The following DZIP3 variants were observed in gnomAD, a reference collection of about 807,000 sequenced individuals.
DZIP3 encodes the protein DAZ interacting zinc finger protein 3, also known as E3 ubiquitin-protein ligase DZIP3.
DZIP3 carries 118 observed loss-of-function variants against 162.0 expected under a neutral mutation model. The ratio of observed to expected loss-of-function variants is 0.73; its 90% CI spans 0.63 to 0.85. The LOEUF (loss-of-function observed/expected upper bound fraction) is 0.85, where lower values mean the gene tolerates loss of function less well. Ranked by LOEUF, DZIP3 falls within the 40% of genes least tolerant of loss-of-function variation. The probability of loss-of-function intolerance (pLI) is 0.00; values close to 1 mark genes in which losing one functional copy is unlikely to be tolerated. For synonymous variants in DZIP3, 438 were observed against 458.6 expected (o/e 0.96, Z 0.57); for missense variants, 1,331 against 1,407.0 (o/e 0.95, Z 0.86).
chr3:108,676,147 C>G (rs1309549744), intron 25 of DZIP3, among the ~76,000 whole-genome samples: 1 of 151,956 alleles, frequency 6.6e-6, no homozygotes, highest in African/African-American at 2.4e-5. Flanking sequence ...TAACAGTGCC[C>G]CAATCAAAAC....
At chr3:108,677,955 G>A (rs1043656026) in intron 26 of DZIP3, among the ~76,000 whole-genome samples, 1 of 151,870 alleles carries the variant, frequency 6.6e-6, no homozygotes, top group African/African-American at 2.4e-5. Flanking sequence ...TCTGGGCCAC[G>A]GACCAGTGCA....
In DZIP3 at chr3:108,611,617, T is replaced by C. The variant is rs536461749; in HGVS notation, c.258+288T>C. 2.0e-5 allele frequency among the ~76,000 whole-genome samples: 3 copies of C among 152,278 alleles called. No homozygotes were observed. In the East Asian group the frequency reaches 5.8e-4, roughly 29 times the overall value. On this transcript the variant is annotated intron_variant, in intron 4 of 32. Transcript: ENST00000361582. ...GTTTATTCCAGTCCTGCTAATAACC[T>C]GTAACATGCCAGTCTGGGACAGGGG... is the stretch of plus-strand genomic sequence containing the variant.
intron 27 of DZIP3, among the ~76,000 whole-genome samples, chr3:108,686,053 G>GT (rs1208055217): frequency 1.3e-5 from 2 of 152,068 alleles, no homozygotes; most frequent in East Asian, 1.9e-4. Flanking sequence ...TAGATGTAAG[G>GT]TTTTTTCAGT....
chr3:108,684,175 G>A (rs537736076), intron 26 of DZIP3, 41 bp from the exon 27 acceptor site: 4 of 1,555,430 alleles, frequency 2.6e-6, no homozygotes, highest in Non-Finnish European at 2.6e-6. Flanking sequence ...AAATATGTGG[G>A]GGGGGGTGTT....
intron 8 of DZIP3, among the ~76,000 whole-genome samples, chr3:108,631,055 A>ACACACTCTCTCTCT: frequency 1.0e-3 from 18 of 18,010 alleles, no homozygotes; most frequent in African/African-American, 1.7e-3. Flanking sequence ...ACACACACAC[A>ACACACTCTCTCTCT]CTCTCTCTCT....
chr3:108,664,906 G>A (rs1213899953), intron 21 of DZIP3, among the ~76,000 whole-genome samples: 3 of 152,212 alleles, frequency 2.0e-5, no homozygotes, highest in Non-Finnish European at 2.9e-5. Flanking sequence ...CTGAGGCAGT[G>A]TGAGTCAGTG....
Position 108,669,867 on chromosome 3 carries a change from T to C in DZIP3, c.2492+118T>C, listed in dbSNP as rs112845112. 1,212 of 761,546 alleles carry C rather than the reference T, an allele frequency of 1.6e-3. 5 individuals are homozygous for C. The African/African-American group carries it at 0.016, about 10-fold the overall frequency. The allele number at this position is 761,546 out of a possible 1,614,324, so 47.2% of individuals were successfully genotyped here. On this transcript the variant is annotated intron_variant, in intron 22 of 32. Transcript: ENST00000361582. ...CAAACCGGGGTACTTTTGAGGCTGA[T>C]ATTGAACAGTACTAATAATACACTG...
intron 26 of DZIP3, among the ~76,000 whole-genome samples, chr3:108,678,936 AT>A (rs10718028): frequency 0.15 from 23,022 of 152,068 alleles, 2,156 homozygotes; most frequent in Non-Finnish European, 0.22. Flanking sequence ...GATATACATC[AT>A]GGGCTTTAGT....
chr3:108,606,566 A>G (rs1940389130), intron 2 of DZIP3, among the ~76,000 whole-genome samples: 1 of 152,222 alleles, frequency 6.6e-6, no homozygotes, highest in South Asian at 2.1e-4. Context: ...TCCACAAAGT[A>G]ACATTTGAAC....
intron 4 of DZIP3, among the ~76,000 whole-genome samples, chr3:108,612,489 T>C (rs996518337): frequency 1.3e-5 from 2 of 152,128 alleles, no homozygotes; most frequent in African/African-American, 4.8e-5. Context: ...CCTTCAGATA[T>C]GCAAAAAATA....
chr3:108,669,865 G>T, intron 22 of DZIP3, 116 bp downstream of exon 22: 1 of 789,764 alleles, frequency 1.3e-6, no homozygotes, highest in Admixed American at 2.3e-5. Context: ...TTTTGAGGCT[G>T]ATATTGAACA....
Position 108,651,177 on chromosome 3 carries a change from A to T in DZIP3, c.2033+15A>T. 1.4e-6 allele frequency: 1 copy of T among 725,384 alleles called. No individual in the cohort carries two copies. The highest frequency in any genetic ancestry group is 1.9e-6 in the Non-Finnish European group (1 of 523,542). 44.9% of individuals were successfully genotyped at this position (725,384 alleles called of 1,614,324 possible). Reference sequence around the variant, plus strand: ...GAAGACCAAGTGTAAGTATTAGTTTATTTAATTTTTAAATTTTTCTTAGTA... The same window carrying T: ...GAAGACCAAGTGTAAGTATTAGTTTTTTTAATTTTTAAATTTTTCTTAGTA... On this transcript the variant is annotated intron_variant, in intron 18 of 32. Transcript: ENST00000361582.
In DZIP3 at chr3:108,665,127, A is replaced by G. The variant is rs116814705; in HGVS notation, c.2423+2870A>G. 7.5e-3 allele frequency among the ~76,000 whole-genome samples: 1,149 copies of G among 152,308 alleles called. 11 individuals carry two copies. The highest frequency in any genetic ancestry group is 0.026 in the African/African-American group (1,083 of 41,560). Reference sequence around the variant, plus strand: ...CCAGGAAATTCAGACAAGAAAGGCAAAAGACCAACAAATGACAATATTAAT... The same window carrying G: ...CCAGGAAATTCAGACAAGAAAGGCAGAAGACCAACAAATGACAATATTAAT... On this transcript the variant is annotated intron_variant, in intron 21 of 32. Transcript: ENST00000361582.
Position 108,605,418 on chromosome 3 carries a change from A to G in DZIP3, c.12A>G (p.Leu4=). ...AAACCTTGTGCAGCATGGATTCTCT[A>G]CCAGATGAATTTTTTGTGAGGTAAG... MDS[L]PDEFFVRHPA... is the part of the protein sequence containing the mutation. Residue 4 remains leucine, a synonymous_variant, in exon 2 of 33, where the codon CTA becomes CTG. Coordinates refer to ENST00000361582, the MANE Select transcript of DZIP3 (RefSeq NM_014648.4). The G allele has an allele frequency of 6.2e-7, 1 of 1,613,454 alleles. No homozygotes were observed.
chr3:108,646,542 TG>T (rs947968041), intron 14 of DZIP3, 74 bp from the exon 15 acceptor site: 8 of 1,026,754 alleles, frequency 7.8e-6, no homozygotes, highest in Middle Eastern at 2.2e-4. Context: ...AAAAATATTC[TG>T]CCTTAATCCT....
At chr3:108,640,347 A>G (rs981743097) in intron 12 of DZIP3, among the ~76,000 whole-genome samples, 5 of 139,776 alleles carry the variant, frequency 3.6e-5, no homozygotes, top group Non-Finnish European at 6.1e-5. Context: ...GTCTAATTGT[A>G]TATCTAGAAA....
intron 1 of DZIP3, among the ~76,000 whole-genome samples, chr3:108,604,397 A>G (rs1042914810): frequency 6.6e-6 from 1 of 152,210 alleles, no homozygotes; most frequent in Non-Finnish European, 1.5e-5. Flanking sequence ...GGCTTAGGGT[A>G]GGATCAGAAA....
chr3:108,624,352 T>C, intron 5 of DZIP3, 92 bp from the exon 6 acceptor site: 1 of 680,328 alleles, frequency 1.5e-6, no homozygotes. Context: ...GTTTTAATAA[T>C]TATTAATTAA....
In DZIP3 at chr3:108,631,055, A is replaced by ACACACACACACACACACATACACACTCT; in HGVS notation, c.696+1880_696+1881insACACACACACACACACATACACACTCTC. ...CACACACACACACACACACACACAC[A>ACACACACACACACACACATACACACTCT]CTCTCTCTCTCTCTCTCTCTCTCTC... On this transcript the variant is annotated intron_variant, in intron 8 of 32. Coordinates refer to ENST00000361582, the MANE Select transcript of DZIP3 (RefSeq NM_014648.4). 7.2e-4 allele frequency among the ~76,000 whole-genome samples: 13 copies of ACACACACACACACACACATACACACTCT among 18,014 alleles called. 1 individual carries two copies. Among genetic ancestry groups the ACACACACACACACACACATACACACTCT allele is most frequent in the African/African-American group, 3.7e-3 (13 of 3,556 alleles). The allele number at this position is 18,014 out of a possible 152,430, so 11.8% of individuals were successfully genotyped here.
Sources: allele counts gnomAD v4.1 joint callset (sites outside exome capture counted in the v4.1 genomes callset), GRCh38; gene constraint gnomAD v4.1.1; transcripts MANE v1.5; gene names NCBI Gene and HGNC (gene_info 2026-07-23, HGNC 2026-07-21).